Variants in TACC2 observed in about 807,000 individuals in gnomAD.
TACC2 encodes transforming acidic coiled-coil containing protein 2.
Under a neutral mutation model 227.3 loss-of-function variants are expected in TACC2, and 137 were observed. The ratio of observed to expected loss-of-function variants is 0.60; its 90% CI spans 0.52 to 0.69. The LOEUF (loss-of-function observed/expected upper bound fraction) is 0.69, where lower values mean the gene tolerates loss of function less well. Among genes scored for constraint, TACC2 ranks in the 30% least tolerant of loss-of-function variants. TACC2 has a pLI of 0.00. For missense variants in TACC2, 3,470 were observed against 3,694.4 expected, an observed-to-expected ratio of 0.94 and a Z score of 1.57; for synonymous variants, 1,523 against 1,487.5, an observed-to-expected ratio of 1.02 and a Z score of -0.55.
chr10:122,116,549 G>A (rs576562823), intron 5 of TACC2, among the ~76,000 whole-genome samples: 45 of 152,318 alleles, frequency 3.0e-4, no homozygotes, highest in Non-Finnish European at 4.3e-4. Flanking sequence ...CGTGGATGGT[G>A]GGGCCGCTTA....
intron 7 of TACC2, among the ~76,000 whole-genome samples, chr10:122,154,085 G>A (rs1053010294): frequency 1.3e-5 from 2 of 152,230 alleles, no homozygotes; most frequent in Non-Finnish European, 2.9e-5. Flanking sequence ...ACCTCCTTGA[G>A]TTGCCTTCAG....
At chr10:122,056,888 G>C (rs1591529496) in intron 3 of TACC2, among the ~76,000 whole-genome samples, 1 of 152,270 alleles carries the variant, frequency 6.6e-6, no homozygotes, top group African/African-American at 2.4e-5. Flanking sequence ...TTTGTGGTTT[G>C]TTTGCTTTTA....
intron 7 of TACC2, among the ~76,000 whole-genome samples, chr10:122,147,784 T>TA (rs2091565587): frequency 6.6e-6 from 1 of 152,214 alleles, no homozygotes; most frequent in Non-Finnish European, 1.5e-5. Context: ...AGTACAGTGA[T>TA]ACGATCGGAT....
chr10:122,067,004 T>C (rs960309053), intron 3 of TACC2, among the ~76,000 whole-genome samples: 14 of 152,356 alleles, frequency 9.2e-5, no homozygotes, highest in African/African-American at 2.9e-4. Flanking sequence ...ATTTGGTCTT[T>C]ATATATAAGC....
At chr10:122,245,789 T>TAATATATA (rs2096100692) in intron 19 of TACC2, among the ~76,000 whole-genome samples, 1 of 152,164 alleles carries the variant, frequency 6.6e-6, no homozygotes, top group Admixed American at 6.5e-5. Context: ...TATATACATT[T>TAATATATA]TCTCATTTAA....
rs759866676 is a variant in TACC2, at chr10:122,180,674, C to T, written c.5835-14366C>T. Among the ~76,000 whole-genome samples the T allele has an allele frequency of 1.5e-4, 23 of 151,624 alleles. No homozygotes were observed. Among genetic ancestry groups the T allele is most frequent in the Non-Finnish European group, 2.5e-4 (17 of 67,926 alleles). On this transcript the variant is annotated intron_variant, in intron 7 of 22. Coordinates refer to ENST00000369005, the MANE Select transcript of TACC2 (RefSeq NM_206862.4). This position sits in a 1 kb window ranked among gnomAD's most constrained non-coding sequence, Gnocchi z 4.5. ...GTTCTAATGACTGACTCTTTTTTCA[C>T]TCTTCATGTCTCAGCTTTGAGAAGC... is the stretch of plus-strand genomic sequence containing the variant.
At chr10:122,114,558 C>T (rs575939888) in intron 5 of TACC2, among the ~76,000 whole-genome samples, 81 of 152,278 alleles carry the variant, frequency 5.3e-4, no homozygotes, top group African/African-American at 1.9e-3. Flanking sequence ...TGGATTCCCA[C>T]GGGGCTCTTT....
chr10:122,101,081 C>T (rs147487317), intron 5 of TACC2, among the ~76,000 whole-genome samples: 13 of 152,282 alleles, frequency 8.5e-5, no homozygotes, highest in African/African-American at 2.6e-4. Flanking sequence ...AAGTGTATTA[C>T]AGTTTGGTGA....
chr10:122,186,859 C>G (rs1322325), intron 7 of TACC2, among the ~76,000 whole-genome samples: 1,924 of 152,278 alleles, frequency 0.013, 40 homozygotes, highest in African/African-American at 0.043. Flanking sequence ...AGGAGTTTAG[C>G]TACAAAGAGA....
chr10:122,118,802 G>A (rs1367528339), intron 5 of TACC2, among the ~76,000 whole-genome samples: 1 of 152,162 alleles, frequency 6.6e-6, no homozygotes, highest in African/African-American at 2.4e-5. Context: ...TGAGTGGCCT[G>A]TTCTCAGCCT....
intron 7 of TACC2, among the ~76,000 whole-genome samples, chr10:122,176,937 A>T (rs2093746288): frequency 6.6e-6 from 1 of 152,190 alleles, no homozygotes; most frequent in African/African-American, 2.4e-5. Flanking sequence ...GGTGGTGGAG[A>T]CAAGTTATGG....
Position 122,211,020 on chromosome 10 carries a change from C to T in TACC2, c.6595C>T (p.Pro2199Ser), listed in dbSNP as rs760120159. ...EETPLEPAVG[P>S]KAACPLDSES... ...GACGCCCCTTGAGCCCGCTGTGGGG[C>T]CCAAAGCTGCCTGCCCTCTGGACTC... is the stretch of plus-strand genomic sequence containing the variant. Residue 2199 changes from proline (P) to serine (S), a missense_variant, in exon 9 of 23, where the codon CCC becomes TCC. Pro to Ser is a moderately conservative substitution (Grantham distance 74). This residue lies in a region of TACC2 where 593 missense variants were observed against 636.6 expected (regional missense o/e 0.93). Transcript: ENST00000369005. 1.9e-5 allele frequency: 31 copies of T among 1,611,402 alleles called. No individual in the cohort carries two copies. The South Asian group carries it at 3.3e-4, about 17-fold the overall frequency.
intron 3 of TACC2, among the ~76,000 whole-genome samples, chr10:122,072,170 T>C (rs1027882369): frequency 1.3e-5 from 2 of 151,874 alleles, no homozygotes; most frequent in African/African-American, 2.4e-5. Context: ...TTAACCAGGA[T>C]GGTCTCAATC....
rs372637397 is a variant in TACC2, at chr10:122,122,814, A to T, written c.5574-9795A>T. On this transcript the variant is annotated intron_variant, in intron 5 of 22. Transcript: ENST00000369005. ...CTGGCAAACAGAAAGAAGTGCTTAC[A>T]ATGTGAGCTGCCCTTATGACTGCTG... Among the ~76,000 whole-genome samples the T allele has an allele frequency of 8.5e-5, 13 of 152,334 alleles. No individual in the cohort carries two copies. In the South Asian group the frequency reaches 1.9e-3, roughly 22 times the overall value.
At chr10:122,242,651 T>A (rs953325248) in intron 19 of TACC2, among the ~76,000 whole-genome samples, 7 of 152,230 alleles carry the variant, frequency 4.6e-5, no homozygotes, top group Non-Finnish European at 1.0e-4. Flanking sequence ...TTCTTTTCTT[T>A]TCTTTTTTTT....
At chr10:122,059,423 C>G (rs149515080) in intron 3 of TACC2, among the ~76,000 whole-genome samples, 1 of 152,054 alleles carries the variant, frequency 6.6e-6, no homozygotes, top group African/African-American at 2.4e-5. Flanking sequence ...TAATAAGAAT[C>G]CCATGAGATT....
At chr10:122,124,681 G>A (rs57161126) in intron 5 of TACC2, among the ~76,000 whole-genome samples, 4,294 of 152,236 alleles carry the variant, frequency 0.028, 220 homozygotes, top group African/African-American at 0.099. Flanking sequence ...TTGCCTGCAC[G>A]CCTTTGCCCA....
chr10:122,094,914 T>A (rs1385817476), intron 5 of TACC2, among the ~76,000 whole-genome samples: 3 of 152,208 alleles, frequency 2.0e-5, no homozygotes, highest in Non-Finnish European at 4.4e-5. Context: ...TAGAAGCCAC[T>A]GTGTTTGACC....
rs1555055945 is a variant in TACC2 at position 122,129,060 on chromosome 10, A to ATTATT, written c.5574-3549_5574-3548insTTATT. Among the ~76,000 whole-genome samples, 778 of 128,540 alleles carry ATTATT rather than the reference A, an allele frequency of 6.1e-3. 6 individuals are homozygous for ATTATT. Among genetic ancestry groups the ATTATT allele is most frequent in the East Asian group, 0.034 (143 of 4,244 alleles). The allele number at this position is 128,540 out of a possible 152,430, so 84.3% of individuals were successfully genotyped here. A position where few individuals can be genotyped will look rare whatever the true frequency, so the allele number is the denominator to read the frequency against. On this transcript the variant is annotated intron_variant, in intron 5 of 22. Coordinates refer to ENST00000369005, the MANE Select transcript of TACC2 (RefSeq NM_206862.4). The stretch of plus-strand genomic sequence containing the variant: ...GATACATGAAGATCTATCTTATTTT[A>ATTATT]ATTATTATTATTATTATTATTATTA...
Sources: allele counts gnomAD v4.1 joint callset (sites outside exome capture counted in the v4.1 genomes callset), GRCh38; gene constraint gnomAD v4.1.1; regional missense constraint gnomAD v4.1.1; non-coding constraint Gnocchi (gnomAD v3.1); transcripts MANE v1.5; gene names NCBI Gene and HGNC (gene_info 2026-07-23, HGNC 2026-07-21).